The following TMEM108 variants were observed in gnomAD, a reference collection of about 807,000 sequenced individuals.
TMEM108 encodes cancer/testis antigen 124.
A neutral mutation model predicts 35.1 loss-of-function variants in TMEM108; 12 were observed. The ratio of observed to expected loss-of-function variants is 0.34; its 90% CI spans 0.22 to 0.55. The LOEUF (loss-of-function observed/expected upper bound fraction) is 0.55. TMEM108 is among the 20% of genes least tolerant of loss of function. TMEM108 has a pLI of 0.89. For missense variants in TMEM108, 680 were observed against 753.3 expected (o/e 0.90, Z 1.14); for synonymous variants, 287 against 308.6 (o/e 0.93, Z 0.73).
rs1361201861 is a variant in TMEM108, at chr3:133,380,875, T to C, written c.1164T>C (p.His388=). The part of the protein sequence containing the change: ...GASTTPQAPT[H]PSRVSESTIS... ...CCACAACCCCACAAGCTCCAACCCA[T>C]CCCTCCAGGGTCTCAGAAAGCACTA... Residue 388 remains histidine (H), a synonymous_variant, in exon 4 of 6, where the codon CAT becomes CAC. Transcript: ENST00000321871. The surrounding 1 kb of genome is among the most constrained non-coding windows in gnomAD (Gnocchi z 5.3). The C allele has an allele frequency of 1.2e-6, 2 of 1,613,930 alleles. No individual in the cohort carries two copies. The highest frequency in any genetic ancestry group is 1.7e-6 in the Non-Finnish European group (2 of 1,179,970).
intron 2 of TMEM108, among the ~76,000 whole-genome samples, chr3:133,104,228 G>A (rs1027899058): frequency 6.6e-6 from 1 of 152,138 alleles, no homozygotes; most frequent in African/African-American, 2.4e-5. Flanking sequence ...GGGTTATTAA[G>A]CATAGCAAAT....
chr3:133,097,033 TA>T (rs935855435), intron 2 of TMEM108, among the ~76,000 whole-genome samples: 2 of 152,238 alleles, frequency 1.3e-5, no homozygotes, highest in Non-Finnish European at 2.9e-5. Context: ...CGGGAAGGAC[TA>T]AAACATGGTT....
At chr3:133,176,469 C>G (rs1011639033) in intron 2 of TMEM108, among the ~76,000 whole-genome samples, 2 of 151,862 alleles carry the variant, frequency 1.3e-5, no homozygotes, top group African/African-American at 4.8e-5. Flanking sequence ...TACATTGTCT[C>G]TCAGACCACA....
chr3:133,105,635 A>C (rs1334988703), intron 2 of TMEM108, among the ~76,000 whole-genome samples: 2 of 149,846 alleles, frequency 1.3e-5, no homozygotes, highest in Non-Finnish European at 3.0e-5. Flanking sequence ...GTGTGCGTGC[A>C]CATGTGTGTG....
chr3:133,078,027 T>C (rs569429866), intron 2 of TMEM108, among the ~76,000 whole-genome samples: 2 of 152,098 alleles, frequency 1.3e-5, no homozygotes, highest in South Asian at 4.2e-4. Flanking sequence ...CCTTTGAGGA[T>C]AGAGAACTCC....
intron 3 of TMEM108, among the ~76,000 whole-genome samples, chr3:133,255,755 G>A (rs886871919): frequency 2.0e-5 from 3 of 152,178 alleles, no homozygotes; most frequent in South Asian, 2.1e-4. Context: ...TTGGGTGGCC[G>A]AGGTGGATAG....
rs184709200 is a variant in TMEM108, at chr3:133,371,188, T to G, written c.41-8564T>G. Among the ~76,000 whole-genome samples, 528 of 152,104 alleles carry G rather than the reference T, an allele frequency of 3.5e-3. 5 individuals carry two copies. Among genetic ancestry groups the G allele is most frequent in the Non-Finnish European group, 4.9e-3 (332 of 67,946 alleles). On this transcript the variant is annotated intron_variant, in intron 3 of 5. Coordinates refer to ENST00000321871, the MANE Select transcript of TMEM108 (RefSeq NM_023943.4). Reference sequence around the variant, plus strand: ...TGATTTCACTTCTACATGGATGGTATTCCAGTTACTGCTGCTGCCTAACAA... The same window carrying G: ...TGATTTCACTTCTACATGGATGGTAGTCCAGTTACTGCTGCTGCCTAACAA...
chr3:133,074,780 C>T (rs1314128683), intron 2 of TMEM108, among the ~76,000 whole-genome samples: 5 of 152,158 alleles, frequency 3.3e-5, no homozygotes, highest in Non-Finnish European at 7.3e-5. Context: ...TGAGCCACTG[C>T]ACCTGGCCAC....
At chr3:133,348,314 G>A (rs2071883866) in intron 3 of TMEM108, among the ~76,000 whole-genome samples, 1 of 152,064 alleles carries the variant, frequency 6.6e-6, no homozygotes, top group African/African-American at 2.4e-5. Context: ...CAAAGGATAA[G>A]TCAGTAAATG....
At chr3:133,187,616 G>T (rs1204682784) in intron 2 of TMEM108, among the ~76,000 whole-genome samples, 1 of 152,126 alleles carries the variant, frequency 6.6e-6, no homozygotes, top group South Asian at 2.1e-4. Flanking sequence ...TAGGCATGTT[G>T]GCAGGTGCCT....
chr3:133,359,124 A>C (rs1242211740), intron 3 of TMEM108, among the ~76,000 whole-genome samples: 2 of 152,226 alleles, frequency 1.3e-5, no homozygotes, highest in East Asian at 1.9e-4. Flanking sequence ...AATGTTTACT[A>C]TCTGATCATT....
intron 3 of TMEM108, among the ~76,000 whole-genome samples, chr3:133,292,266 T>C (rs1488274942): frequency 6.6e-6 from 1 of 152,198 alleles, no homozygotes; most frequent in East Asian, 1.9e-4. Flanking sequence ...TCCAAAAAAC[T>C]GCTCAGGTAG....
At chr3:133,204,861 A>G (rs1945727823) in intron 2 of TMEM108, among the ~76,000 whole-genome samples, 1 of 152,084 alleles carries the variant, frequency 6.6e-6, no homozygotes, top group African/African-American at 2.4e-5. Context: ...ATCCTTGTTA[A>G]TTTATTGTCT....
Position 133,128,165 on chromosome 3 carries a change from G to T in TMEM108, c.-47+82145G>T, listed in dbSNP as rs556804114. 1.1e-4 allele frequency among the ~76,000 whole-genome samples: 16 copies of T among 152,300 alleles called. No individual in the cohort carries two copies. In the South Asian group the frequency reaches 3.1e-3, roughly 30 times the overall value. ...TATAACAGTAACTCTATCACTCATA[G>T]GTTAAAGAGCACAGAAGTCTGTCAT... On this transcript the variant is annotated intron_variant, in intron 2 of 5. Transcript: ENST00000321871.
At chr3:133,332,268 G>T (rs768122914) in intron 3 of TMEM108, among the ~76,000 whole-genome samples, 54 of 152,198 alleles carry the variant, frequency 3.5e-4, no homozygotes, top group Non-Finnish European at 6.6e-4. Flanking sequence ...GCTCCCTGTA[G>T]CTCCCAGGGT....
At chr3:133,181,360 G>C (rs1945342248) in intron 2 of TMEM108, among the ~76,000 whole-genome samples, 1 of 152,092 alleles carries the variant, frequency 6.6e-6, no homozygotes, top group South Asian at 2.1e-4. Context: ...GCAATCACTA[G>C]GGGCTACATT....
chr3:133,372,920 C>G lies in TMEM108; in HGVS notation c.41-6832C>G, dbSNP rs186200565. Among the ~76,000 whole-genome samples, 3 of 152,316 alleles carry G rather than the reference C, an allele frequency of 2.0e-5. No individual in the cohort carries two copies. The East Asian group carries it at 5.8e-4, about 29-fold the overall frequency. On this transcript the variant is annotated intron_variant, in intron 3 of 5. Transcript: ENST00000321871. ...ATGGATTGCCTCTTAAGATCAATCA[C>G]CCAGCTCACCCTGAAGTCAGTGATA...
At chr3:133,063,115 T>C (rs78058180) in intron 2 of TMEM108, among the ~76,000 whole-genome samples, 1 of 152,114 alleles carries the variant, frequency 6.6e-6, no homozygotes, top group East Asian at 1.9e-4. Flanking sequence ...ACAGGAGATG[T>C]TGGTGGTGGG....
rs1168987756 is a variant in TMEM108, at chr3:133,396,642, T to C, written c.*656T>C. 6.6e-6 allele frequency: 1 copy of C among 152,184 alleles called. No homozygotes were observed. Among genetic ancestry groups the C allele is most frequent in the Non-Finnish European group, 1.5e-5 (1 of 68,038 alleles). The allele number at this position is 152,184 out of a possible 1,614,324, so 9.4% of individuals were successfully genotyped here. ...ATCCCAAGGCCATATTCCCCTAACA[T>C]TACTTCCACTGCTAACAACAGGACT... On this transcript the variant is annotated 3_prime_UTR_variant, in exon 6 of 6. Transcript: ENST00000321871.
Sources: gnomAD v4.1 joint callset for allele counts (sites outside exome capture counted in the v4.1 genomes callset) on GRCh38, gnomAD v4.1.1 for gene constraint, Gnocchi (gnomAD v3.1) non-coding constraint, MANE v1.5 for transcripts, NCBI Gene and HGNC (gene_info 2026-07-23, HGNC 2026-07-21) for gene names.